The following GEMIN4 variants were observed in gnomAD, a reference collection of about 807,000 sequenced individuals.
GEMIN4 encodes the protein gem-associated protein 4.
GEMIN4 carries 59 observed loss-of-function variants against 76.8 expected under a neutral mutation model. The observed-to-expected ratio is 0.77, with a 90% CI of 0.62 to 0.95. GEMIN4 has a LOEUF of 0.95. Among genes scored for constraint, GEMIN4 ranks in the 40% least tolerant of loss-of-function variants. The probability of loss-of-function intolerance (pLI) is 0.00; values close to 1 mark genes in which losing one functional copy is unlikely to be tolerated. For missense variants in GEMIN4, 1,311 were observed against 1,318.9 expected, an observed-to-expected ratio of 0.99 and a Z score of 0.09; for synonymous variants, 562 against 559.7, an observed-to-expected ratio of 1.00 and a Z score of -0.06.
rs376833925 is a variant in GEMIN4, at chr17:747,380, G to A, written c.663C>T (p.Arg221=). The change falls in exon 2 of 2, where the codon CGC becomes CGT. Residue 221 remains arginine, a synonymous_variant. Transcript: ENST00000319004. The part of the protein sequence containing the change: ...PTMPLLAMLL[R]GLTQIQSRIL... ...TCCGACTCTGGATCTGTGTCAGCCCGCGGAGCAGCATGGCCAACAGGGGCA... is the reference window on the plus strand; with the variant it reads ...TCCGACTCTGGATCTGTGTCAGCCCACGGAGCAGCATGGCCAACAGGGGCA... The A allele has an allele frequency of 2.8e-5, 45 of 1,613,652 alleles. No individual in the cohort carries two copies. The highest frequency in any genetic ancestry group is 4.5e-5 in the East Asian group (2 of 44,892).
chr17:745,270 G>A lies in GEMIN4; in HGVS notation c.2773C>T (p.His925Tyr), dbSNP rs746237186. 1.2e-6 allele frequency: 2 copies of A among 1,611,574 alleles called. No individual in the cohort carries two copies. Among genetic ancestry groups the A allele is most frequent in the Middle Eastern group, 1.6e-4 (1 of 6,062 alleles). ...FLRTFQFLCS[H>Y]SCRDWLPLEG... is the part of the protein sequence containing the mutation. ...AGAGGAAGCCAATCACGACAGCTAT[G>A]GCTGCAGAGAAACTGGAAAGTCCTC... Residue 925 changes from histidine to tyrosine, a missense_variant, in exon 2 of 2, where the codon CAT (histidine) becomes TAT (tyrosine). Physicochemically the swap from His to Tyr is moderately conservative, Grantham distance 83. This residue lies in a region of GEMIN4 where 1,208 missense variants were observed against 1,166.9 expected (regional missense o/e 1.04). Coordinates refer to ENST00000319004, the MANE Select transcript of GEMIN4 (RefSeq NM_015721.3). This position sits in a 1 kb window ranked among gnomAD's most constrained non-coding sequence, Gnocchi z 4.6.
At position 746,624 on chromosome 17, in the gene GEMIN4, C is replaced by T. The variant is rs1242641594; in HGVS notation, c.1419G>A (p.Glu473=). Residue 473 remains glutamate (E), a synonymous_variant, in exon 2 of 2, where the codon GAG becomes GAA. Coordinates refer to ENST00000319004, the MANE Select transcript of GEMIN4 (RefSeq NM_015721.3). The surrounding 1 kb of genome is among the most constrained non-coding windows in gnomAD (Gnocchi z 4.3). ...GGTGGATCACCTGCCGGATCTGAGACTCAGGGATGGCTCTGTCAGCTGTGC... is the reference window on the plus strand; with the variant it reads ...GGTGGATCACCTGCCGGATCTGAGATTCAGGGATGGCTCTGTCAGCTGTGC... ...DVSTADRAIP[E]SQIRQVIHLI... is the part of the protein sequence containing the mutation. 2 of 1,613,536 alleles carry T rather than the reference C, an allele frequency of 1.2e-6. No individual in the cohort carries two copies. The highest frequency in any genetic ancestry group is 4.5e-5 in the East Asian group (2 of 44,898).
In GEMIN4 at chr17:745,770, C is replaced by G. The variant is rs201785298; in HGVS notation, c.2273G>C (p.Trp758Ser). Residue 758 changes from tryptophan (W) to serine (S), a missense_variant, in exon 2 of 2, where the codon TGG becomes TCG. Coordinates refer to ENST00000319004, the MANE Select transcript of GEMIN4 (RefSeq NM_015721.3). The surrounding 1 kb of genome is among the most constrained non-coding windows in gnomAD (Gnocchi z 4.6). ...SPDVWIKSLS[W>S]LHRKLEQLDW... is the part of the protein sequence containing the mutation. ...TAGCTGTTCTAACTTGCGGTGGAGC[C>G]AGGACAGGGACTTGATCCAGACATC... 130 of 1,611,574 alleles carry G rather than the reference C, an allele frequency of 8.1e-5. No homozygotes were observed. Among genetic ancestry groups the G allele is most frequent in the Non-Finnish European group, 1.1e-4 (126 of 1,179,002 alleles).
At chr17:750,076 C>G in intron 1 of GEMIN4, 3 of 821,740 alleles carry the variant, frequency 3.7e-6, no homozygotes, top group Non-Finnish European at 4.4e-6. Flanking sequence ...GTGATTCTGG[C>G]CAGGTTCAGT....
Position 746,022 on chromosome 17 carries a change from A to T in GEMIN4, c.2021T>A (p.Phe674Tyr). ...CGCGTTTGCCTCTAGAGTCTGGATG[A>T]AGATCCTCAGACTGAGGTCTACCTC... ...VEEVDLSLRIFIQTLEANACR... is the reference protein window; with the variant it reads ...VEEVDLSLRIYIQTLEANACR... The change falls in exon 2 of 2, where the codon TTC (phenylalanine) becomes TAC (tyrosine). Residue 674 changes from phenylalanine to tyrosine, a missense_variant. Phe to Tyr is a conservative substitution (Grantham distance 22). Coordinates refer to ENST00000319004, the MANE Select transcript of GEMIN4 (RefSeq NM_015721.3). This position sits in a 1 kb window ranked among gnomAD's most constrained non-coding sequence, Gnocchi z 4.3. 1 of 1,613,802 alleles carries T rather than the reference A, an allele frequency of 6.2e-7. No individual in the cohort carries two copies. Among genetic ancestry groups the T allele is most frequent in the Non-Finnish European group, 8.5e-7 (1 of 1,179,862 alleles).
At position 747,379 on chromosome 17, in the gene GEMIN4, C is replaced by T. The variant is rs766227506; in HGVS notation, c.664G>A (p.Gly222Arg). ...ATCCGACTCTGGATCTGTGTCAGCC[C>T]GCGGAGCAGCATGGCCAACAGGGGC... ...TMPLLAMLLR[G>R]LTQIQSRILG... The change falls in exon 2 of 2, where the codon GGG becomes AGG. Residue 222 changes from glycine to arginine, a missense_variant. By Grantham distance (125) the Gly-to-Arg change is moderately radical. Coordinates refer to ENST00000319004, the MANE Select transcript of GEMIN4 (RefSeq NM_015721.3). 183 of 1,613,642 alleles carry T rather than the reference C, an allele frequency of 1.1e-4. No individual in the cohort carries two copies. The highest frequency in any genetic ancestry group is 2.5e-4 in the Admixed American group (15 of 60,006).
rs771286873 is a variant in GEMIN4, at chr17:747,926, C to G, written c.117G>C (p.Trp39Cys). Residue 39 changes from tryptophan to cysteine, a missense_variant, in exon 2 of 2, where the codon TGG (tryptophan) becomes TGC (cysteine). By Grantham distance (215) the Trp-to-Cys change is radical. Around this residue, in one of 2 missense-constraint regions of GEMIN4, gnomAD observed 103 missense variants for 152.0 expected, o/e 0.68. Transcript: ENST00000319004. ...KALAELTKSD[W>C]ERVGRPIVEA... ...CCACGATGGGCCGTCCAACACGTTC[C>G]CAGTCAGACTTTGTTAATTCTGCCA... 2 of 1,613,812 alleles carry G rather than the reference C, an allele frequency of 1.2e-6. No individual in the cohort carries two copies. Among genetic ancestry groups the G allele is most frequent in the Admixed American group, 1.7e-5 (1 of 60,000 alleles).
chr17:745,503 C>A lies in GEMIN4; in HGVS notation c.2540G>T (p.Arg847Ile). The A allele has an allele frequency of 6.2e-7, 1 of 1,612,152 alleles. No homozygotes were observed. Among genetic ancestry groups the A allele is most frequent in the Non-Finnish European group, 8.5e-7 (1 of 1,179,870 alleles). ...VVDVGNPEEV[R>I]LFSKGFLVAL... ...CACCAGAAAGCCTTTGCTGAACAGT[C>A]TGACCTCCTCAGGATTGCCCACGTC... Residue 847 changes from arginine (R) to isoleucine (I), a missense_variant, in exon 2 of 2, where the codon AGA (arginine) becomes ATA (isoleucine). By Grantham distance (97) the Arg-to-Ile change is moderately conservative (BLOSUM62 -3). Coordinates refer to ENST00000319004, the MANE Select transcript of GEMIN4 (RefSeq NM_015721.3). This position sits in a 1 kb window ranked among gnomAD's most constrained non-coding sequence, Gnocchi z 4.6.
rs1884727 is a variant in GEMIN4 at position 752,253 on chromosome 17, C to A, written c.-111G>T. ...AGACGCAGGAGCCACGGCGGCCGCG[C>A]TTAGGCCTGCTCACAACCTCCGCCC... On this transcript the variant is annotated 5_prime_UTR_variant, in exon 1 of 2. Transcript: ENST00000319004. 3 of 1,227,616 alleles carry A rather than the reference C, an allele frequency of 2.4e-6. No individual in the cohort carries two copies. Among genetic ancestry groups the A allele is most frequent in the Non-Finnish European group, 1.0e-6 (1 of 985,096 alleles). The allele number at this position is 1,227,616 out of a possible 1,614,324, so 76.0% of individuals were successfully genotyped here.
Position 744,794 on chromosome 17 carries a change from G to T in GEMIN4, c.*72C>A. The T allele has an allele frequency of 6.8e-7, 1 of 1,473,486 alleles. No individual in the cohort carries two copies. Among genetic ancestry groups the T allele is most frequent in the African/African-American group, 1.4e-5 (1 of 71,216 alleles). The allele number at this position is 1,473,486 out of a possible 1,614,324, so 91.3% of individuals were successfully genotyped here. ...TGCCATGTTGAAGCCCAGCTTTTTCGCTCCCGCACAGGTAAGAAGCTGCTG... is the reference window on the plus strand; with the variant it reads ...TGCCATGTTGAAGCCCAGCTTTTTCTCTCCCGCACAGGTAAGAAGCTGCTG... On this transcript the variant is annotated 3_prime_UTR_variant, in exon 2 of 2. Transcript: ENST00000319004.
Position 745,931 on chromosome 17 carries a change from G to C in GEMIN4, c.2112C>G (p.Leu704=). The C allele has an allele frequency of 6.2e-7, 1 of 1,613,142 alleles. No homozygotes were observed. Among genetic ancestry groups the C allele is most frequent in the Non-Finnish European group, 8.5e-7 (1 of 1,179,868 alleles). ...PFPLLFSLCQ[L]LDRFSKYWQL... ...GCCAGTATTTGCTGAAGCGGTCCAA[G>C]AGCTGGCACAAGCTGAAGAGGAGTG... is the stretch of plus-strand genomic sequence containing the variant. Residue 704 remains leucine, a synonymous_variant, in exon 2 of 2, where the codon CTC becomes CTG. Transcript: ENST00000319004. The surrounding 1 kb of genome is among the most constrained non-coding windows in gnomAD (Gnocchi z 4.6).
At chr17:749,738 G>C (rs67231816) in intron 1 of GEMIN4, 197,511 of 826,288 alleles carry the variant, frequency 0.24, 25,062 homozygotes, top group Non-Finnish European at 0.26. Flanking sequence ...AATGGGCACA[G>C]AGCAATCACA....
In GEMIN4 at chr17:748,024, T is replaced by G. The variant is rs752633093; in HGVS notation, c.19A>C (p.Asn7His). The change falls in exon 2 of 2, where the codon AAC (asparagine) becomes CAC (histidine). Residue 7 changes from asparagine (N) to histidine (H), a missense_variant. By Grantham distance (68) the Asn-to-His change is moderately conservative. Transcript: ENST00000319004. MDLGPL[N>H]ICEEMTILHG... ...AGAATAGTCATTTCTTCACAGATGTTCAAGGGTCCTGCACACAGACAAGCC... is the reference window on the plus strand; with the variant it reads ...AGAATAGTCATTTCTTCACAGATGTGCAAGGGTCCTGCACACAGACAAGCC... 18 of 1,602,352 alleles carry G rather than the reference T, an allele frequency of 1.1e-5. No individual in the cohort carries two copies. The South Asian group carries it at 1.9e-4, about 17-fold the overall frequency.
intron 1 of GEMIN4, 49 bp from the exon 2 acceptor site, chr17:748,081 A>G: frequency 7.2e-7 from 1 of 1,397,014 alleles, no homozygotes. Flanking sequence ...ATGTTTCCAG[A>G]TGGCCACTGC....
rs370890294 is a variant in GEMIN4 at position 747,484 on chromosome 17, G to A, written c.559C>T (p.His187Tyr). ...TCATCTAAGGCAGGCAGGTACTTAT[G>A]GGCCATTGCACTAAACTGGGAGAGC... ...PLLSQFSAMA[H>Y]KYLPALDEFP... is the part of the protein sequence containing the mutation. The change falls in exon 2 of 2, where the codon CAT (histidine) becomes TAT (tyrosine). Residue 187 changes from histidine to tyrosine, a missense_variant. Around this residue, in one of 2 missense-constraint regions of GEMIN4, gnomAD observed 1,208 missense variants for 1,166.9 expected, o/e 1.04. Transcript: ENST00000319004. The A allele has an allele frequency of 2.0e-4, 317 of 1,613,678 alleles. No individual in the cohort carries two copies. The highest frequency in any genetic ancestry group is 2.6e-4 in the Non-Finnish European group (309 of 1,179,802).
Position 747,358 on chromosome 17 carries a change from G to A in GEMIN4, c.685C>T (p.Arg229Trp), listed in dbSNP as rs761212650. Residue 229 changes from arginine (R) to tryptophan (W), a missense_variant, in exon 2 of 2, where the codon CGG becomes TGG. Around this residue, in one of 2 missense-constraint regions of GEMIN4, gnomAD observed 1,208 missense variants for 1,166.9 expected, o/e 1.04. Coordinates refer to ENST00000319004, the MANE Select transcript of GEMIN4 (RefSeq NM_015721.3). ...LLRGLTQIQS[R>W]ILGPGRKCCA... ...CACTTCCTCCCCGGGCCCAGGATCC[G>A]ACTCTGGATCTGTGTCAGCCCGCGG... The A allele has an allele frequency of 3.0e-5, 48 of 1,613,752 alleles. No homozygotes were observed. Among genetic ancestry groups the A allele is most frequent in the Middle Eastern group, 1.6e-4 (1 of 6,062 alleles).
At position 746,419 on chromosome 17, in the gene GEMIN4, A is replaced by G. The variant is rs762175434; in HGVS notation, c.1624T>C (p.Leu542=). The change falls in exon 2 of 2, where the codon TTG becomes CTG. Residue 542 remains leucine (L), a synonymous_variant. Transcript: ENST00000319004. The surrounding 1 kb of genome is among the most constrained non-coding windows in gnomAD (Gnocchi z 4.3). ...GCCACGGAGGCCACAGCTTTTGCCA[A>G]GCCCTGTTCGGAGGCACTCTGAGTG... ...QLTQSASEQG[L]AKAVASVARL... is the part of the protein sequence containing the mutation. 2 of 1,613,986 alleles carry G rather than the reference A, an allele frequency of 1.2e-6. No homozygotes were observed. Among genetic ancestry groups the G allele is most frequent in the Non-Finnish European group, 1.7e-6 (2 of 1,179,898 alleles).
upstream of GEMIN4, chr17:753,579 C>A: frequency 6.5e-6 from 1 of 154,270 alleles, no homozygotes; most frequent in Non-Finnish European, 1.5e-5. Context: ...CAAGCTTAGC[C>A]GAGACATCAA....
upstream of GEMIN4, chr17:752,405 C>T (rs1357116791): frequency 4.2e-6 from 3 of 716,296 alleles, no homozygotes; most frequent in Non-Finnish European, 5.8e-6. Flanking sequence ...TCACTAGACC[C>T]CTCCGCACCG....
Sources: allele counts gnomAD v4.1 joint callset, GRCh38; gene constraint gnomAD v4.1.1; regional missense constraint gnomAD v4.1.1; non-coding constraint Gnocchi (gnomAD v3.1); transcripts MANE v1.5; gene names NCBI Gene and HGNC (gene_info 2026-07-23, HGNC 2026-07-21).